CTNNA2: variants seen among roughly 807,000 people sequenced by gnomAD.
CTNNA2 encodes catenin alpha-2.
Under a neutral mutation model 101.0 loss-of-function variants are expected in CTNNA2, and 42 were observed. The observed-to-expected ratio is 0.42, with a 90% CI of 0.32 to 0.54. CTNNA2 has a LOEUF of 0.54. CTNNA2 is among the 20% of genes least tolerant of loss of function. The pLI is 0.14. For synonymous variants in CTNNA2, 450 were observed against 456.4 expected (o/e 0.99, Z 0.18); for missense variants, 871 against 1,223.1 (o/e 0.71, Z 4.29).
At chr2:80,477,000 A>G (rs954324350) in intron 9 of CTNNA2, among the ~76,000 whole-genome samples, 1 of 152,200 alleles carries the variant, frequency 6.6e-6, no homozygotes, top group Non-Finnish European at 1.5e-5. Flanking sequence ...CTCATGCATA[A>G]CAGAAGTTCT....
intron 2 of CTNNA2, among the ~76,000 whole-genome samples, chr2:79,682,410 CAAAAAAAAAAAAA>C (rs10674928): frequency 1.2e-4 from 9 of 73,324 alleles, no homozygotes; most frequent in African/African-American, 4.3e-4. Context: ...AACTCCATCT[CAAAAAAAAAAAAA>C]AAAAAAAAAG....
chr2:79,875,828 G>A (rs553568813), intron 6 of CTNNA2, among the ~76,000 whole-genome samples: 13 of 151,848 alleles, frequency 8.6e-5, no homozygotes, highest in East Asian at 1.9e-4. Flanking sequence ...AAATTGCAGC[G>A]AGCAACTGAA....
At chr2:79,209,277 C>G (rs1269427670) in intron 2 of CTNNA2, among the ~76,000 whole-genome samples, 5 of 152,142 alleles carry the variant, frequency 3.3e-5, no homozygotes, top group Non-Finnish European at 7.3e-5. Context: ...TTCTTGGTTA[C>G]AAGATTCTAG....
chr2:80,322,590 A>G (rs999795497), intron 7 of CTNNA2, among the ~76,000 whole-genome samples: 6 of 151,556 alleles, frequency 4.0e-5, no homozygotes, highest in African/African-American at 9.7e-5. Context: ...CGGGGCCCCA[A>G]GCGCCAGCCT....
At chr2:79,310,147 T>A (rs1027050077) in intron 2 of CTNNA2, among the ~76,000 whole-genome samples, 43 of 152,192 alleles carry the variant, frequency 2.8e-4, no homozygotes, top group African/African-American at 9.9e-4. Flanking sequence ...ATATGCAAAT[T>A]ACAGGAGTTT....
At chr2:80,420,823 G>A (rs530390034) in intron 9 of CTNNA2, among the ~76,000 whole-genome samples, 1 of 152,292 alleles carries the variant, frequency 6.6e-6, no homozygotes, top group Non-Finnish European at 1.5e-5. Flanking sequence ...ACAGCAGTCA[G>A]CAGGTTCTAT....
At chr2:79,589,476 T>G (rs1676706265) in intron 1 of CTNNA2, among the ~76,000 whole-genome samples, 1 of 152,172 alleles carries the variant, frequency 6.6e-6, no homozygotes, top group South Asian at 2.1e-4. Context: ...TTTTTTTTCT[T>G]TAAAAATTCA....
intron 7 of CTNNA2, chr2:80,029,510 A>G (rs148097208): frequency 6.6e-6 from 1 of 152,310 alleles, no homozygotes; most frequent in East Asian, 1.9e-4. Flanking sequence ...CCTGAGAGTT[A>G]AGGAAAGTTA....
At chr2:80,468,760 G>T (rs1685062357) in intron 9 of CTNNA2, among the ~76,000 whole-genome samples, 1 of 152,112 alleles carries the variant, frequency 6.6e-6, no homozygotes, top group Non-Finnish European at 1.5e-5. Flanking sequence ...TGTAGACGCA[G>T]AATTCAATAT....
At chr2:79,467,133 A>G (rs1670946203) in intron 4 of CTNNA2, among the ~76,000 whole-genome samples, 2 of 152,244 alleles carry the variant, frequency 1.3e-5, no homozygotes, top group African/African-American at 4.8e-5. Flanking sequence ...CCTTGAAAAA[A>G]GATTAGATGA....
intron 8 of CTNNA2, among the ~76,000 whole-genome samples, chr2:80,408,874 A>G (rs1283901100): frequency 6.6e-6 from 1 of 152,174 alleles, no homozygotes; most frequent in Non-Finnish European, 1.5e-5. Flanking sequence ...GGCATTTTCT[A>G]TATGCAACCA....
At chr2:80,368,867 G>GTATATATATATATA (rs1553505682) in intron 7 of CTNNA2, among the ~76,000 whole-genome samples, 67 of 144,768 alleles carry the variant, frequency 4.6e-4, no homozygotes, top group Non-Finnish European at 7.7e-4. Context: ...GTGTGTGTGT[G>GTATATATATATATA]TATATATATA....
chr2:80,093,691 G>A (rs1041752798), intron 7 of CTNNA2, among the ~76,000 whole-genome samples: 11 of 151,006 alleles, frequency 7.3e-5, no homozygotes, highest in Non-Finnish European at 1.3e-4. Context: ...TTTAATGATC[G>A]CCATTCTAAC....
At chr2:80,264,962 G>A (rs2149129182) in intron 7 of CTNNA2, among the ~76,000 whole-genome samples, 1 of 136,106 alleles carries the variant, frequency 7.3e-6, no homozygotes, top group South Asian at 2.3e-4. Flanking sequence ...GGATAGGGAA[G>A]GATAGGGAAG....
At chr2:79,287,286 C>T (rs1455365609) in intron 2 of CTNNA2, among the ~76,000 whole-genome samples, 5 of 152,070 alleles carry the variant, frequency 3.3e-5, no homozygotes, top group Admixed American at 6.5e-5. Flanking sequence ...AGCTTTGTTC[C>T]GTTGCTGGTG....
At chr2:80,551,641 A>G (rs1482428516) in intron 11 of CTNNA2, among the ~76,000 whole-genome samples, 1 of 152,158 alleles carries the variant, frequency 6.6e-6, no homozygotes, top group Non-Finnish European at 1.5e-5. Context: ...CAGCTTCCTT[A>G]CCTCTCTCAG....
intron 7 of CTNNA2, among the ~76,000 whole-genome samples, chr2:80,382,676 C>T (rs1328767498): frequency 2.0e-5 from 3 of 152,172 alleles, no homozygotes; most frequent in African/African-American, 4.8e-5. Flanking sequence ...TGTGGATCCC[C>T]ACATAGACAT....
chr2:80,410,652 T>C (rs1488673878), intron 8 of CTNNA2, among the ~76,000 whole-genome samples: 1 of 152,216 alleles, frequency 6.6e-6, no homozygotes, highest in African/African-American at 2.4e-5. Context: ...ATTTAAACCA[T>C]TCTAGTAGTC....
At chr2:80,275,493 T>C (rs1673830858) in intron 7 of CTNNA2, among the ~76,000 whole-genome samples, 1 of 152,176 alleles carries the variant, frequency 6.6e-6, no homozygotes, top group Non-Finnish European at 1.5e-5. Context: ...TTGCAGTAGA[T>C]AACAGGAAAG....
Sources: gnomAD v4.1 joint callset for allele counts (sites outside exome capture counted in the v4.1 genomes callset) on GRCh38, gnomAD v4.1.1 for gene constraint, MANE v1.5 for transcripts, NCBI Gene and HGNC (gene_info 2026-07-23, HGNC 2026-07-21) for gene names.